The following GDI2 variants were observed in gnomAD, a reference collection of about 807,000 sequenced individuals.
GDI2 encodes the protein rab GDP dissociation inhibitor beta.
Under a neutral mutation model 54.2 loss-of-function variants are expected in GDI2, and 22 were observed. The observed-to-expected ratio is 0.41, with a 90% CI of 0.29 to 0.58. The LOEUF (loss-of-function observed/expected upper bound fraction) is 0.58, where lower values mean the gene tolerates loss of function less well. GDI2 is among the 20% of genes least tolerant of loss of function. The pLI is 0.35. For synonymous variants in GDI2, 177 were observed against 182.1 expected, an observed-to-expected ratio of 0.97 and a Z score of 0.23; for missense variants, 422 against 546.0, an observed-to-expected ratio of 0.77 and a Z score of 2.26.
intron 1 of GDI2, among the ~76,000 whole-genome samples, chr10:5,803,964 C>T (rs1187544829): frequency 6.6e-6 from 1 of 152,092 alleles, no homozygotes; most frequent in Non-Finnish European, 1.5e-5. Context: ...GACTTTGAAA[C>T]CCGTATTTTT....
At chr10:5,786,573 T>C (rs529042874) in intron 4 of GDI2, among the ~76,000 whole-genome samples, 1 of 149,798 alleles carries the variant, frequency 6.7e-6, no homozygotes, top group African/African-American at 2.4e-5. Context: ...TCTTCAATTC[T>C]ACCATACAAT....
intron 1 of GDI2, among the ~76,000 whole-genome samples, chr10:5,803,111 A>G (rs1252368506): frequency 6.6e-6 from 1 of 152,254 alleles, no homozygotes; most frequent in Non-Finnish European, 1.5e-5. Context: ...CAGTTTTATT[A>G]AGCCAGACAT....
chr10:5,808,622 G>C (rs1052715973), intron 1 of GDI2, among the ~76,000 whole-genome samples: 9 of 150,734 alleles, frequency 6.0e-5, no homozygotes, highest in African/African-American at 2.0e-4. Context: ...GTTGTAGTGA[G>C]CTGAGATTGA....
chr10:5,811,658 A>T (rs1253505343), intron 1 of GDI2, among the ~76,000 whole-genome samples: 3 of 11,496 alleles, frequency 2.6e-4, no homozygotes, highest in Non-Finnish European at 2.8e-4. Flanking sequence ...TTAGGCACTT[A>T]AAAAAAAAAA....
At chr10:5,793,277 G>T (rs1185042665) in intron 4 of GDI2, among the ~76,000 whole-genome samples, 1 of 152,238 alleles carries the variant, frequency 6.6e-6, no homozygotes, top group East Asian at 1.9e-4. Context: ...TCACAAGCGT[G>T]AGCCACCACA....
At chr10:5,797,543 C>CAA (rs772570487) in intron 2 of GDI2, among the ~76,000 whole-genome samples, 9,380 of 45,276 alleles carry the variant, frequency 0.21, 1,300 homozygotes, top group Non-Finnish European at 0.25. Flanking sequence ...GACTCCATCT[C>CAA]AAAAAAAAAA....
rs1423257729 is a variant in GDI2 at position 5,813,223 on chromosome 10, G to A, written c.36C>T (p.Thr12=). 3.1e-6 allele frequency: 5 copies of A among 1,588,218 alleles called. No homozygotes were observed. The highest frequency in any genetic ancestry group is 3.4e-6 in the Non-Finnish European group (4 of 1,169,480). The change falls in exon 1 of 11, where the codon ACC becomes ACT. Residue 12 remains threonine, a synonymous_variant. Transcript: ENST00000380191. The part of the protein sequence containing the change: ...NEEYDVIVLG[T]GLTECILSGI... The stretch of plus-strand genomic sequence containing the variant: ...CAGCCCTGGCGCCCACCGTCAGGCC[G>A]GTGCCCAGCACGATCACGTCGTACT...
chr10:5,798,404 A>G (rs1182411101), intron 2 of GDI2, among the ~76,000 whole-genome samples: 4 of 151,460 alleles, frequency 2.6e-5, no homozygotes. Context: ...CCTGATCAAC[A>G]TGGTGAAACC....
chr10:5,786,860 ACTGCTG>A (rs935118875), intron 4 of GDI2, among the ~76,000 whole-genome samples: 1 of 152,240 alleles, frequency 6.6e-6, no homozygotes, highest in African/African-American at 2.4e-5. Context: ...TGCTGCTGCT[ACTGCTG>A]CTAGTCACTT....
chr10:5,781,746 G>C (rs945239606), intron 6 of GDI2, among the ~76,000 whole-genome samples: 1 of 152,112 alleles, frequency 6.6e-6, no homozygotes, highest in Non-Finnish European at 1.5e-5. Context: ...AGGCACTGTG[G>C]CTCCTGCCTG....
chr10:5,800,544 C>T, intron 2 of GDI2, 54 bp downstream of exon 2: 10 of 854,018 alleles, frequency 1.2e-5, no homozygotes, highest in Non-Finnish European at 2.1e-5. Flanking sequence ...TAGAGATTCA[C>T]AAGTGAAATA....
At chr10:5,777,589 C>CG in intron 6 of GDI2, among the ~76,000 whole-genome samples, 1 of 152,298 alleles carries the variant, frequency 6.6e-6, no homozygotes, top group Non-Finnish European at 1.5e-5. Flanking sequence ...TGTGAGAAAC[C>CG]GTCTCACGCC....
chr10:5,772,740 G>C (rs1840519601), intron 7 of GDI2, among the ~76,000 whole-genome samples: 1 of 152,160 alleles, frequency 6.6e-6, no homozygotes, highest in Non-Finnish European at 1.5e-5. Flanking sequence ...CTCGGCGACA[G>C]AGCAAAACGA....
chr10:5,813,320 C>T lies in GDI2; in HGVS notation c.-62G>A, dbSNP rs1841515940. ...AAAGGCGCAGGGGCTCCGTGACCAC[C>T]CTACGAGGCTGGGAGGCGCTCTTGG... On this transcript the variant is annotated 5_prime_UTR_variant, in exon 1 of 11. Transcript: ENST00000380191. 1 of 1,261,126 alleles carries T rather than the reference C, an allele frequency of 7.9e-7. No homozygotes were observed. Among genetic ancestry groups the T allele is most frequent in the South Asian group, 1.3e-5 (1 of 78,334 alleles). 78.1% of individuals were successfully genotyped at this position (1,261,126 alleles called of 1,614,324 possible).
chr10:5,794,185 AAAAATATATAT>A (rs1316155533), intron 4 of GDI2, among the ~76,000 whole-genome samples: 30 of 46,860 alleles, frequency 6.4e-4, no homozygotes, highest in African/African-American at 1.5e-3. Flanking sequence ...AAAAAAAAAA[AAAAATATATAT>A]ATATATATAT....
At chr10:5,769,342 C>G (rs1395981186) in intron 7 of GDI2, 1 of 152,164 alleles carries the variant, frequency 6.6e-6, no homozygotes, top group African/African-American at 2.4e-5. Context: ...GAGGCCAAGA[C>G]AGGCGGATCA....
Position 5,785,875 on chromosome 10 carries a change from A to G in GDI2, c.564T>C (p.Ala188=). Residue 188 remains alanine, a synonymous_variant, in exon 5 of 11, where the codon GCT becomes GCC. Coordinates refer to ENST00000380191, the MANE Select transcript of GDI2 (RefSeq NM_001494.4). ...ACTCATCAGTTCTGTAAAGTGCAAG[A>G]GCATGACCAGTAAAATCTATAACGT... ...GQDVIDFTGH[A]LALYRTDDYL... is the part of the protein sequence containing the mutation. 1 of 1,606,538 alleles carries G rather than the reference A, an allele frequency of 6.2e-7. No homozygotes were observed. The highest frequency in any genetic ancestry group is 8.5e-7 in the Non-Finnish European group (1 of 1,173,308).
chr10:5,769,872 C>T (rs113349728), intron 7 of GDI2, among the ~76,000 whole-genome samples: 2,286 of 152,346 alleles, frequency 0.015, 64 homozygotes, highest in African/African-American at 0.051. Flanking sequence ...AGCAATTCCA[C>T]TTCTGGGTAC....
intron 4 of GDI2, among the ~76,000 whole-genome samples, chr10:5,794,208 TATATATATATATATATATATATATAA>T (rs1564396028): frequency 2.3e-5 from 2 of 88,448 alleles, no homozygotes; most frequent in African/African-American, 3.5e-5. Context: ...TATATATATA[TATATATATATATATATATATATATAA>T]AACTCACCAG....
Sources: gnomAD v4.1 joint callset for allele counts (sites outside exome capture counted in the v4.1 genomes callset) on GRCh38, gnomAD v4.1.1 for gene constraint, MANE v1.5 for transcripts, NCBI Gene and HGNC (gene_info 2026-07-23, HGNC 2026-07-21) for gene names.